Variants in AHCY observed in about 807,000 individuals in gnomAD.
AHCY encodes the protein adenosylhomocysteinase, also known as S-adenosyl-L-homocysteine hydrolase.
Under a neutral mutation model 45.4 loss-of-function variants are expected in AHCY, and 24 were observed. That is an observed-to-expected ratio of 0.53 (90% CI 0.38 to 0.74). AHCY has a LOEUF of 0.74. Among genes scored for constraint, AHCY ranks in the 30% least tolerant of loss-of-function variants. AHCY has a pLI of 0.00. For missense variants in AHCY, 449 were observed against 594.1 expected, an observed-to-expected ratio of 0.76 and a Z score of 2.54; for synonymous variants, 245 against 235.1, an observed-to-expected ratio of 1.04 and a Z score of -0.39.
Position 34,292,519 on chromosome 20 carries a change from G to C in AHCY, c.296-12C>G, listed in dbSNP as rs1314679276. 1 of 1,613,870 alleles carries C rather than the reference G, an allele frequency of 6.2e-7. No homozygotes were observed. ...CTTCCAGGCATACACTGGAGGGTGA[G>C]TGGCACATCAGGGCCTGGACTTCCC... On this transcript the variant is annotated splice_polypyrimidine_tract_variant and intron_variant, in intron 3 of 9. Transcript: ENST00000217426.
At chr20:34,296,564 T>C (rs1204176544) in intron 1 of AHCY, among the ~76,000 whole-genome samples, 1 of 152,182 alleles carries the variant, frequency 6.6e-6, no homozygotes, top group Non-Finnish European at 1.5e-5. Context: ...GAAAGAAGGA[T>C]ATTATTATGA....
chr20:34,282,928 G>A (rs2036049872), intron 9 of AHCY, among the ~76,000 whole-genome samples: 1 of 152,200 alleles, frequency 6.6e-6, no homozygotes. Context: ...ACATTCCCAA[G>A]TGGTTTCACA....
the AHCY span, among the ~76,000 whole-genome samples, chr20:34,252,529 G>A: frequency 7.2e-5 from 11 of 152,250 alleles, 1 homozygote; most frequent in South Asian, 1.7e-3. Context: ...GCCACAGGGC[G>A]GTTTTCTCCT....
chr20:34,262,770 C>T, the AHCY span: 11 of 1,595,642 alleles, frequency 6.9e-6, no homozygotes, highest in South Asian at 8.8e-5. Context: ...GCCCCTCTCA[C>T]TTCACTGCAG....
chr20:34,286,913 T>G (rs1298750138), intron 8 of AHCY, among the ~76,000 whole-genome samples: 1 of 146,856 alleles, frequency 6.8e-6, no homozygotes, highest in Non-Finnish European at 1.5e-5. Flanking sequence ...ACAGTGTGGC[T>G]CCCAGGTGAC....
the AHCY span, among the ~76,000 whole-genome samples, chr20:34,267,011 G>C: frequency 7.3e-3 from 1,116 of 152,296 alleles, 10 homozygotes; most frequent in African/African-American, 0.025. Flanking sequence ...GTGTGATCTT[G>C]AAAGTCCCTG....
chr20:34,306,338 T>C (rs980347046), upstream of AHCY, among the ~76,000 whole-genome samples: 3 of 151,274 alleles, frequency 2.0e-5, no homozygotes, highest in Non-Finnish European at 4.4e-5. Flanking sequence ...TATATTGCAA[T>C]TGATATAGCC....
chr20:34,266,460 G>A, the AHCY span, among the ~76,000 whole-genome samples: 1 of 151,918 alleles, frequency 6.6e-6, no homozygotes, highest in Non-Finnish European at 1.5e-5. Context: ...ATCACCTGAG[G>A]TTAAGAGTTA....
chr20:34,303,374 C>T (rs1302616501), upstream of AHCY: 1 of 1,496,186 alleles, frequency 6.7e-7, no homozygotes, highest in Non-Finnish European at 9.1e-7. Context: ...GTGGCGCCGA[C>T]GCCTTTAAAT....
chr20:34,298,609 A>AGGGGGGGGGGGGGGG (rs35505406), intron 1 of AHCY, among the ~76,000 whole-genome samples: 254 of 83,028 alleles, frequency 3.1e-3, no homozygotes, highest in Admixed American at 3.5e-3. Flanking sequence ...CGGCGGCGGG[A>AGGGGGGGGGGGGGGG]GGGGGGGGGG....
At chr20:34,270,494 C>T in the AHCY span, among the ~76,000 whole-genome samples, 1 of 152,178 alleles carries the variant, frequency 6.6e-6, no homozygotes, top group African/African-American at 2.4e-5. Flanking sequence ...AGTCACTCCT[C>T]GTGTTTTCCA....
chr20:34,291,217 T>C (rs974605053), intron 5 of AHCY, among the ~76,000 whole-genome samples: 10 of 152,240 alleles, frequency 6.6e-5, no homozygotes, highest in Non-Finnish European at 7.3e-5. Flanking sequence ...TTGAAAGCTC[T>C]TCTTCCCAAA....
At chr20:34,296,744 G>A (rs916212704) in intron 1 of AHCY, among the ~76,000 whole-genome samples, 1 of 152,218 alleles carries the variant, frequency 6.6e-6, no homozygotes, top group South Asian at 2.1e-4. Flanking sequence ...TAAGACTCCT[G>A]GTGATTTTTA....
At chr20:34,306,791 TGA>T (rs1298492569), upstream of AHCY, among the ~76,000 whole-genome samples, 1 of 152,268 alleles carries the variant, frequency 6.6e-6, no homozygotes, top group African/African-American at 2.4e-5. Context: ...AGAATTATGC[TGA>T]GTGACAAAAA....
chr20:34,290,492 A>G lies in AHCY; in HGVS notation c.855-43T>C. The stretch of plus-strand genomic sequence containing the variant: ...ACCGTGGGAGATTGTCAGGGACAGA[A>G]AGCTGTCCCAACTCTGCCCTCCTCC... On this transcript the variant is annotated intron_variant, in intron 7 of 9. Transcript: ENST00000217426. The surrounding 1 kb of genome is among the most constrained non-coding windows in gnomAD (Gnocchi z 4.5). 1.9e-6 allele frequency: 3 copies of G among 1,612,464 alleles called. No homozygotes were observed. The highest frequency in any genetic ancestry group is 2.5e-6 in the Non-Finnish European group (3 of 1,178,494).
the AHCY span, chr20:34,246,290 C>A: frequency 6.4e-7 from 1 of 1,551,392 alleles, no homozygotes; most frequent in East Asian, 2.4e-5. Flanking sequence ...CCCTGCTGTT[C>A]CTTGACCCTC....
chr20:34,286,608 G>A (rs2036194620), intron 8 of AHCY: 1 of 152,168 alleles, frequency 6.6e-6, no homozygotes, highest in Admixed American at 6.5e-5. Flanking sequence ...CAAGGCGGGG[G>A]GAATCACCTG....
the AHCY span, chr20:34,260,606 C>A: frequency 1.2e-5 from 17 of 1,458,420 alleles, no homozygotes; most frequent in Non-Finnish European, 1.4e-5. Flanking sequence ...TCCCAGGGTG[C>A]TACCAGGATC....
chr20:34,251,148 C>G, the AHCY span, among the ~76,000 whole-genome samples: 7 of 152,192 alleles, frequency 4.6e-5, no homozygotes, highest in African/African-American at 1.7e-4. Context: ...CTTGTACAAA[C>G]TTTCCATGAC....
Sources: gnomAD v4.1 joint callset for allele counts (sites outside exome capture counted in the v4.1 genomes callset) on GRCh38, gnomAD v4.1.1 for gene constraint, Gnocchi (gnomAD v3.1) non-coding constraint, MANE v1.5 for transcripts, NCBI Gene and HGNC (gene_info 2026-07-23, HGNC 2026-07-21) for gene names.